The following HNF4A variants were observed in gnomAD, a reference collection of about 807,000 sequenced individuals.
HNF4A encodes the protein hepatocyte nuclear factor 4-alpha.
In HNF4A, 15 loss-of-function variants were observed where a neutral mutation model predicts 52.4. The observed-to-expected ratio is 0.29, with a 90% CI of 0.19 to 0.44. HNF4A has a LOEUF of 0.44. Ranked by LOEUF, HNF4A falls within the 20% of genes least tolerant of loss-of-function variation. The pLI is 1.00. For synonymous variants in HNF4A, 280 were observed against 264.4 expected, an observed-to-expected ratio of 1.06 and a Z score of -0.57; for missense variants, 479 against 647.2, an observed-to-expected ratio of 0.74 and a Z score of 2.82.
At chr20:44,404,631 G>A (rs1051729741) in intron 1 of HNF4A, among the ~76,000 whole-genome samples, 2 of 151,558 alleles carry the variant, frequency 1.3e-5, no homozygotes, top group Admixed American at 6.6e-5. Context: ...TGTGGACTAT[G>A]TGCAAGTGTG....
intron 5 of HNF4A, 71 bp from the exon 6 acceptor site, chr20:44,418,354 C>T (rs1419591475): frequency 9.8e-6 from 12 of 1,223,712 alleles, no homozygotes; most frequent in Non-Finnish European, 1.5e-5. Context: ...ACTTGCCCAG[C>T]GTCACTGAGT....
At chr20:44,375,495 G>GTT (rs11476597) in intron 1 of HNF4A, among the ~76,000 whole-genome samples, 9 of 142,128 alleles carry the variant, frequency 6.3e-5, no homozygotes, top group South Asian at 2.2e-4. Context: ...AAATGTTTTT[G>GTT]TTTTTTTTTT....
At chr20:44,381,604 G>T (rs1373173939) in intron 1 of HNF4A, among the ~76,000 whole-genome samples, 2 of 151,692 alleles carry the variant, frequency 1.3e-5, no homozygotes, top group Non-Finnish European at 2.9e-5. Flanking sequence ...TTTTCCAAAG[G>T]AAAGTACTTT....
At chr20:44,417,529 C>T (rs1341010477) in intron 5 of HNF4A, among the ~76,000 whole-genome samples, 1 of 152,168 alleles carries the variant, frequency 6.6e-6, no homozygotes, top group African/African-American at 2.4e-5. Flanking sequence ...TCCTGGAGTC[C>T]TGCAATGTCG....
At position 44,369,249 on chromosome 20, in the gene HNF4A, C is replaced by CAAAAAAA. The variant is rs751374772; in HGVS notation, c.49+13419_49+13425dup. 2.3e-3 allele frequency among the ~76,000 whole-genome samples: 58 copies of CAAAAAAA among 24,824 alleles called. 8 individuals are homozygous for CAAAAAAA. Among genetic ancestry groups the CAAAAAAA allele is most frequent in the African/African-American group, 7.9e-3 (43 of 5,430 alleles). 16.3% of individuals were successfully genotyped at this position (24,824 alleles called of 152,430 possible). A position where few individuals can be genotyped will look rare whatever the true frequency, so the allele number is the denominator to read the frequency against. Reference sequence around the variant, plus strand: ...GGGCAACAAGAGCAAAACTCCATCTCAAAAAAAAAAAAAAAAAAAAAAAAA... The same window carrying CAAAAAAA: ...GGGCAACAAGAGCAAAACTCCATCTCAAAAAAAAAAAAAAAAAAAAAAAAAAAAAAAA... On this transcript the variant is annotated intron_variant, in intron 1 of 9. Transcript: ENST00000316673.
At chr20:44,424,464 C>A in intron 8 of HNF4A, 1 of 1,007,840 alleles carries the variant, frequency 9.9e-7, no homozygotes, top group Non-Finnish European at 1.5e-6. Flanking sequence ...CTAGCACGTG[C>A]CAGTCACTGT....
chr20:44,384,406 T>TA (rs2063194242), intron 1 of HNF4A: 1 of 152,116 alleles, frequency 6.6e-6, no homozygotes, highest in Non-Finnish European at 1.5e-5. Context: ...TAATGGTCAT[T>TA]AAAAAATTAG....
chr20:44,415,187 A>T (rs2063646106), intron 5 of HNF4A, among the ~76,000 whole-genome samples: 1 of 152,148 alleles, frequency 6.6e-6, no homozygotes, highest in Non-Finnish European at 1.5e-5. Context: ...GATAATATCC[A>T]CTTTAGAGTG....
At chr20:44,380,161 G>T (rs1001917834) in intron 1 of HNF4A, among the ~76,000 whole-genome samples, 9 of 152,198 alleles carry the variant, frequency 5.9e-5, no homozygotes, top group African/African-American at 1.9e-4. Flanking sequence ...TTACAGGCAT[G>T]AGCCACTGTG....
At chr20:44,364,423 G>A (rs987115481) in intron 1 of HNF4A, among the ~76,000 whole-genome samples, 2 of 152,120 alleles carry the variant, frequency 1.3e-5, no homozygotes, top group Non-Finnish European at 1.5e-5. Context: ...GACCACACCA[G>A]TGTGTTTCAA....
chr20:44,373,778 C>G (rs1600646986), intron 1 of HNF4A, among the ~76,000 whole-genome samples: 2 of 152,040 alleles, frequency 1.3e-5, no homozygotes, highest in East Asian at 3.9e-4. Flanking sequence ...CAACCTCCGC[C>G]TCCTGGGTTC....
At chr20:44,400,172 T>C (rs1210175100), upstream of HNF4A, among the ~76,000 whole-genome samples, 1 of 152,118 alleles carries the variant, frequency 6.6e-6, no homozygotes, top group African/African-American at 2.4e-5. Flanking sequence ...TCAAAAGTCA[T>C]GATGAATTTT....
chr20:44,411,394 G>A (rs567487177), intron 3 of HNF4A, among the ~76,000 whole-genome samples: 15 of 152,340 alleles, frequency 9.8e-5, no homozygotes, highest in South Asian at 4.1e-4. Context: ...CTCGCGCCGG[G>A]CACTGATAAC....
intron 8 of HNF4A, 25 bp from the exon 9 acceptor site, chr20:44,428,310 C>T: frequency 6.2e-7 from 1 of 1,613,306 alleles, no homozygotes; most frequent in Non-Finnish European, 8.5e-7. Flanking sequence ...GACTCTCCAT[C>T]CTGATCGACC....
intron 1 of HNF4A, among the ~76,000 whole-genome samples, chr20:44,387,045 G>C (rs2063233253): frequency 6.6e-6 from 1 of 152,066 alleles, no homozygotes; most frequent in Non-Finnish European, 1.5e-5. Flanking sequence ...GCTCATGCCT[G>C]TAATCCCAGC....
At chr20:44,404,929 G>GTTGT (rs1555812908) in intron 1 of HNF4A, among the ~76,000 whole-genome samples, 1 of 49,576 alleles carries the variant, frequency 2.0e-5, no homozygotes, top group African/African-American at 8.7e-5. Context: ...GCTTGTGTGT[G>GTTGT]GTGTGTGTGC....
intron 1 of HNF4A, among the ~76,000 whole-genome samples, chr20:44,383,174 C>A (rs1445694897): frequency 1.3e-5 from 2 of 152,008 alleles, no homozygotes; most frequent in African/African-American, 4.8e-5. Context: ...TCAAAAAAAA[C>A]AAACAATAAT....
upstream of HNF4A, among the ~76,000 whole-genome samples, chr20:44,400,442 A>G (rs1368680533): frequency 1.3e-5 from 2 of 151,904 alleles, no homozygotes; most frequent in African/African-American, 2.4e-5. Context: ...TTGATTGTAC[A>G]TTTTACAGAA....
chr20:44,427,436 G>A (rs1187770795), intron 8 of HNF4A, among the ~76,000 whole-genome samples: 1 of 152,238 alleles, frequency 6.6e-6, no homozygotes, highest in Non-Finnish European at 1.5e-5. Context: ...CTATACAACA[G>A]TACCTGGCAC....
Sources: gnomAD v4.1 joint callset for allele counts (sites outside exome capture counted in the v4.1 genomes callset) on GRCh38, gnomAD v4.1.1 for gene constraint, MANE v1.5 for transcripts, NCBI Gene and HGNC (gene_info 2026-07-23, HGNC 2026-07-21) for gene names.